MDGA2: variants seen among roughly 807,000 people sequenced by gnomAD.
The protein encoded by MDGA2 is MAM domain containing glycosylphosphatidylinositol anchor 2.
A neutral mutation model predicts 117.8 loss-of-function variants in MDGA2; 40 were observed. That is an observed-to-expected ratio of 0.34 (90% confidence interval 0.26 to 0.44). The LOEUF is 0.44. MDGA2 is among the 20% of genes least tolerant of loss of function. The pLI, the probability that MDGA2 is intolerant of heterozygous loss-of-function variation, is 1.00. For missense variants in MDGA2, 1,123 were observed against 1,250.6 expected, an observed-to-expected ratio of 0.90 and a Z score of 1.54; for synonymous variants, 452 against 439.0, an observed-to-expected ratio of 1.03 and a Z score of -0.37.
chr14:47,669,866 AT>A (rs1898043219), intron 1 of MDGA2, among the ~76,000 whole-genome samples: 1 of 152,154 alleles, frequency 6.6e-6, no homozygotes, highest in Non-Finnish European at 1.5e-5. Flanking sequence ...TGAAAAAAAA[AT>A]CATAATCAAT....
In MDGA2 at chr14:46,959,807, A is replaced by G. The variant is rs150961793; in HGVS notation, c.1820-2164T>C. Among the ~76,000 whole-genome samples the G allele has an allele frequency of 1.8e-4, 28 of 152,342 alleles. No individual in the cohort carries two copies. The East Asian group carries it at 5.4e-3, about 29-fold the overall frequency. On this transcript the variant is annotated intron_variant, in intron 8 of 16. Transcript: ENST00000399232. ...ATGCATACTTAAGTTATCCAAAAAC[A>G]TCAATCAATACCCTTATTATACTAC...
intron 8 of MDGA2, among the ~76,000 whole-genome samples, chr14:46,958,397 T>TATTCA (rs1253667413): frequency 6.6e-6 from 1 of 152,210 alleles, no homozygotes; most frequent in Non-Finnish European, 1.5e-5. Context: ...AAAGAGACTC[T>TATTCA]ATTCAAGGAA....
intron 1 of MDGA2, among the ~76,000 whole-genome samples, chr14:47,445,367 T>C (rs1893100366): frequency 6.6e-6 from 1 of 152,170 alleles, no homozygotes; most frequent in Non-Finnish European, 1.5e-5. Flanking sequence ...TGTAGCGACC[T>C]TTTCTGTTTA....
At chr14:47,382,403 C>A (rs1377232853) in intron 1 of MDGA2, among the ~76,000 whole-genome samples, 1 of 152,188 alleles carries the variant, frequency 6.6e-6, no homozygotes. Flanking sequence ...GAACTACCAT[C>A]AGACTGAACA....
chr14:47,148,526 A>T (rs1252292046), intron 3 of MDGA2, among the ~76,000 whole-genome samples: 4 of 152,132 alleles, frequency 2.6e-5, no homozygotes, highest in Non-Finnish European at 4.4e-5. Flanking sequence ...TGTAGTACGT[A>T]TGACCAGATA....
intron 1 of MDGA2, among the ~76,000 whole-genome samples, chr14:47,511,008 C>CAGATATA: frequency 6.6e-6 from 1 of 152,134 alleles, no homozygotes; most frequent in East Asian, 1.9e-4. Context: ...CCTGTCTCAA[C>CAGATATA]TTTATTATGG....
At chr14:47,036,775 T>C (rs1888870867) in intron 7 of MDGA2, among the ~76,000 whole-genome samples, 1 of 152,246 alleles carries the variant, frequency 6.6e-6, no homozygotes. Context: ...TTTTGAAATG[T>C]TGTTTTCCTC....
In MDGA2 at chr14:46,964,011, C is replaced by T. The variant is rs1885915537; in HGVS notation, c.1820-6368G>A. Among the ~76,000 whole-genome samples the T allele has an allele frequency of 5.3e-5, 8 of 152,264 alleles. No individual in the cohort carries two copies. In the South Asian group the frequency reaches 1.7e-3, roughly 32 times the overall value. ...TGTGATTATTTTCACTATTAGAACACAGAGCAGAAGTGATGCTGTGCCAAT... is the reference window on the plus strand; with the variant it reads ...TGTGATTATTTTCACTATTAGAACATAGAGCAGAAGTGATGCTGTGCCAAT... On this transcript the variant is annotated intron_variant, in intron 8 of 16. Transcript: ENST00000399232.
In MDGA2 at chr14:47,035,172, A is replaced by G. The variant is rs186881365; in HGVS notation, c.1658T>C (p.Val553Ala). The change falls in exon 8 of 17, where the codon GTT becomes GCT. Residue 553 changes from valine to alanine, a missense_variant. Val to Ala is a moderately conservative substitution (Grantham distance 64). Coordinates refer to ENST00000399232, the MANE Select transcript of MDGA2 (RefSeq NM_001113498.3). ...TTGCATTGATCCATCAGGCATTGCA[A>G]CTTCTTTATCCGCTCTAGACCAAAG... ...IILWSRADKEVAMPDGSMQME... is the reference protein window; with the variant it reads ...IILWSRADKEAAMPDGSMQME... 1 of 1,614,100 alleles carries G rather than the reference A, an allele frequency of 6.2e-7. No homozygotes were observed. Among genetic ancestry groups the G allele is most frequent in the Admixed American group, 1.7e-5 (1 of 60,014 alleles).
intron 1 of MDGA2, among the ~76,000 whole-genome samples, chr14:47,502,942 G>A (rs1894427950): frequency 6.6e-6 from 1 of 152,024 alleles, no homozygotes; most frequent in Non-Finnish European, 1.5e-5. Context: ...GCCTCCCAAA[G>A]TGCTGGAATT....
chr14:47,184,466 T>C (rs918685819), intron 3 of MDGA2, among the ~76,000 whole-genome samples: 4 of 152,042 alleles, frequency 2.6e-5, no homozygotes, highest in Admixed American at 6.6e-5. Context: ...TGGGTTATAT[T>C]ATTAAATACC....
At chr14:47,034,635 C>A (rs72678436) in intron 8 of MDGA2, among the ~76,000 whole-genome samples, 22,327 of 151,806 alleles carry the variant, frequency 0.15, 1,730 homozygotes, top group Admixed American at 0.22. Flanking sequence ...ACATGTATTA[C>A]AACCTGAATT....
intron 1 of MDGA2, among the ~76,000 whole-genome samples, chr14:47,508,582 G>A (rs1894570477): frequency 6.6e-6 from 1 of 152,016 alleles, no homozygotes; most frequent in South Asian, 2.1e-4. Context: ...AAATCTAGTG[G>A]GTAGCTTAGA....
rs572475110 is a variant in MDGA2, at chr14:47,242,855, T to C, written c.421-24660A>G. Among the ~76,000 whole-genome samples the C allele has an allele frequency of 7.4e-4, 113 of 151,922 alleles. 4 individuals carry two copies. The highest frequency in any genetic ancestry group is 1.3e-3 in the Non-Finnish European group (89 of 67,804). ...CGCAGGGCACAGGACTGGCAGGCAG[T>C]TCCACCTGCAGCCCCGGTGTGGGAT... On this transcript the variant is annotated intron_variant, in intron 2 of 16. Coordinates refer to ENST00000399232, the MANE Select transcript of MDGA2 (RefSeq NM_001113498.3).
intron 8 of MDGA2, among the ~76,000 whole-genome samples, chr14:46,976,876 T>C (rs971379292): frequency 3.3e-5 from 5 of 151,980 alleles, no homozygotes. Context: ...GCACCATTAT[T>C]GAAACTAATG....
Position 47,402,330 on chromosome 14 carries a change from ACCCCC to A in MDGA2, c.281-100785_281-100781del, listed in dbSNP as rs1239099710. On this transcript the variant is annotated intron_variant, in intron 1 of 16. Transcript: ENST00000399232. ...GTATGCTAGGGTAGAAACCCCAGAA[ACCCCC>A]GCCCCCCCACCCCGCAAAAAAAAGA... Among the ~76,000 whole-genome samples, 103 of 17,194 alleles carry A rather than the reference ACCCCC, an allele frequency of 6.0e-3. 4 individuals carry two copies. Among genetic ancestry groups the A allele is most frequent in the Middle Eastern group, 0.1 (2 of 20 alleles). The allele number at this position is 17,194 out of a possible 152,430, so 11.3% of individuals were successfully genotyped here.
intron 3 of MDGA2, among the ~76,000 whole-genome samples, chr14:47,194,735 G>C (rs961433232): frequency 6.6e-6 from 1 of 151,890 alleles, no homozygotes; most frequent in Non-Finnish European, 1.5e-5. Flanking sequence ...TAGGAAGTTA[G>C]GTGAATCTCA....
At chr14:46,868,763 T>G (rs1881878500) in intron 14 of MDGA2, among the ~76,000 whole-genome samples, 1 of 151,974 alleles carries the variant, frequency 6.6e-6, no homozygotes, top group Non-Finnish European at 1.5e-5. Flanking sequence ...ATATTGTCAG[T>G]TACTTTGTGC....
chr14:47,091,919 C>G (rs1047108305), intron 6 of MDGA2, among the ~76,000 whole-genome samples: 1 of 152,098 alleles, frequency 6.6e-6, no homozygotes, highest in Non-Finnish European at 1.5e-5. Flanking sequence ...CATGGAACAA[C>G]CTCCCCACCA....
Sources: gnomAD v4.1 joint callset for allele counts (sites outside exome capture counted in the v4.1 genomes callset) on GRCh38, gnomAD v4.1.1 for gene constraint, MANE v1.5 for transcripts, NCBI Gene and HGNC (gene_info 2026-07-23, HGNC 2026-07-21) for gene names.